The following DIP2A variants were observed in gnomAD, a reference collection of about 807,000 sequenced individuals.
DIP2A encodes disco-interacting protein 2 homolog A.
DIP2A carries 85 observed loss-of-function variants against 177.4 expected under a neutral mutation model. The ratio of observed to expected loss-of-function variants is 0.48; its 90% CI spans 0.40 to 0.57. The LOEUF (loss-of-function observed/expected upper bound fraction) is 0.57. DIP2A is among the 20% of genes least tolerant of loss of function. DIP2A has a pLI of 0.00. For synonymous variants in DIP2A, 886 were observed against 881.8 expected (o/e 1.00, Z -0.08); for missense variants, 1,791 against 2,100.2 (o/e 0.85, Z 2.88).
At chr21:46,529,564 G>A (rs371444941) in intron 9 of DIP2A, among the ~76,000 whole-genome samples, 1 of 150,676 alleles carries the variant, frequency 6.6e-6, no homozygotes, top group East Asian at 1.9e-4. Context: ...TCTCGCCACT[G>A]CACTCCAGCC....
chr21:46,545,760 C>T, intron 19 of DIP2A, 121 bp from the exon 20 acceptor site: 1 of 1,189,196 alleles, frequency 8.4e-7, no homozygotes, highest in South Asian at 1.4e-5. Flanking sequence ...GGGCCAGCCT[C>T]CTTTTTCCCC....
intron 5 of DIP2A, among the ~76,000 whole-genome samples, chr21:46,501,563 G>A (rs1029004593): frequency 6.6e-6 from 1 of 152,092 alleles, no homozygotes; most frequent in Non-Finnish European, 1.5e-5. Context: ...GGGACTATAG[G>A]CAAATGCCAG....
chr21:46,571,565 CCT>C (rs375940533), downstream of DIP2A, among the ~76,000 whole-genome samples: 1 of 152,166 alleles, frequency 6.6e-6, no homozygotes, highest in African/African-American at 2.4e-5. Flanking sequence ...TGCATCCTCT[CCT>C]ATTCCCTTGT....
rs370234236 is a variant in DIP2A, at chr21:46,503,135, C to G, written c.656-1226C>G. On this transcript the variant is annotated intron_variant, in intron 5 of 37. Coordinates refer to ENST00000417564, the MANE Select transcript of DIP2A (RefSeq NM_015151.4). ...TCCAGGAGTTCAAGACCAGCTTGGC[C>G]AATATGGTGAAAACCCGTCTCTACT... Among the ~76,000 whole-genome samples, 7 of 151,998 alleles carry G rather than the reference C, an allele frequency of 4.6e-5. No homozygotes were observed. The East Asian group carries it at 5.8e-4, about 13-fold the overall frequency.
intron 8 of DIP2A, among the ~76,000 whole-genome samples, chr21:46,512,062 C>CA (rs1382553117): frequency 6.6e-6 from 1 of 152,126 alleles, no homozygotes; most frequent in East Asian, 1.9e-4. Flanking sequence ...CAAAGCCCCT[C>CA]ACACCCCTTC....
intron 3 of DIP2A, among the ~76,000 whole-genome samples, chr21:46,491,881 C>A (rs757961051): frequency 1.3e-4 from 20 of 152,220 alleles, no homozygotes; most frequent in Middle Eastern, 3.4e-3. Context: ...GAATACAGGT[C>A]TTTTATCATA....
chr21:46,481,582 A>G (rs73148710), intron 1 of DIP2A, among the ~76,000 whole-genome samples: 1 of 152,338 alleles, frequency 6.6e-6, no homozygotes, highest in Non-Finnish European at 1.5e-5. Flanking sequence ...TCAGCAATAT[A>G]TGAGTTTCTA....
chr21:46,573,237 C>G (rs955690749), downstream of DIP2A, among the ~76,000 whole-genome samples: 3 of 151,896 alleles, frequency 2.0e-5, no homozygotes, highest in African/African-American at 4.8e-5. Flanking sequence ...TTGATAATTA[C>G]TTTATCTGTA....
Position 46,568,918 on chromosome 21 carries a change from G to A in DIP2A, c.*1296G>A, listed in dbSNP as rs1208450438. ...TTCACTGCTTTTTGCATTTTGAGTT[G>A]TGTGCCTATAAAATTTGGCCAAACC... On this transcript the variant is annotated 3_prime_UTR_variant, in exon 38 of 38. Coordinates refer to ENST00000417564, the MANE Select transcript of DIP2A (RefSeq NM_015151.4). The A allele has an allele frequency of 6.6e-6, 1 of 152,134 alleles. No individual in the cohort carries two copies. Among genetic ancestry groups the A allele is most frequent in the African/African-American group, 2.4e-5 (1 of 41,420 alleles). 9.4% of individuals were successfully genotyped at this position (152,134 alleles called of 1,614,324 possible).
intron 1 of DIP2A, among the ~76,000 whole-genome samples, chr21:46,481,867 A>G (rs1300202441): frequency 2.6e-5 from 4 of 152,150 alleles, no homozygotes; most frequent in African/African-American, 4.8e-5. Context: ...CCTGGCTAAC[A>G]TGGTGAAACC....
chr21:46,555,319 T>C (rs2060426129), intron 28 of DIP2A, among the ~76,000 whole-genome samples: 1 of 152,180 alleles, frequency 6.6e-6, no homozygotes, highest in Non-Finnish European at 1.5e-5. Context: ...TCATGCCCCA[T>C]GAAATGCTGA....
At chr21:46,551,929 G>A (rs764619204) in intron 25 of DIP2A, 25 bp downstream of exon 25, 1 of 1,576,270 alleles carries the variant, frequency 6.3e-7, no homozygotes, top group Non-Finnish European at 8.6e-7. Flanking sequence ...CGCCCACGGG[G>A]CTTGGAAACA....
intron 16 of DIP2A, chr21:46,538,891 G>C (rs2059684643): frequency 2.9e-6 from 1 of 346,388 alleles, no homozygotes; most frequent in Admixed American, 4.6e-5. Context: ...CTGTGGCCTG[G>C]GGTTCCTGTT....
At position 46,569,877 on chromosome 21, in the gene DIP2A, A is replaced by G. The variant is rs538246911; in HGVS notation, c.*2255A>G. 4 of 152,346 alleles carry G rather than the reference A, an allele frequency of 2.6e-5. No homozygotes were observed. Among genetic ancestry groups the G allele is most frequent in the Admixed American group, 6.5e-5 (1 of 15,310 alleles). The allele number at this position is 152,346 out of a possible 1,614,324, so 9.4% of individuals were successfully genotyped here. A position where few individuals can be genotyped will look rare whatever the true frequency, so the allele number is the denominator to read the frequency against. On this transcript the variant is annotated 3_prime_UTR_variant, in exon 38 of 38. Transcript: ENST00000417564. ...ATTTCTTATAATTCTACCTCTGAGTAAACAGCAGCATTCGTATGTAACATA... is the reference window on the plus strand; with the variant it reads ...ATTTCTTATAATTCTACCTCTGAGTGAACAGCAGCATTCGTATGTAACATA...
intron 8 of DIP2A, among the ~76,000 whole-genome samples, chr21:46,525,898 T>G (rs1461572575): frequency 6.9e-6 from 1 of 145,710 alleles, no homozygotes; most frequent in Non-Finnish European, 1.5e-5. Context: ...ATTATTATTA[T>G]TATTATTATT....
chr21:46,464,844 T>TTTTTTTTTTTTTTTTTTTTTTTTTTTTCC (rs58546395), intron 1 of DIP2A, among the ~76,000 whole-genome samples: 1 of 111,218 alleles, frequency 9.0e-6, no homozygotes, highest in Non-Finnish European at 1.7e-5. Flanking sequence ...TTTTTTTTTT[T>TTTTTTTTTTTTTTTTTTTTTTTTTTTTCC]CAAGAAAACA....
intron 1 of DIP2A, among the ~76,000 whole-genome samples, chr21:46,471,739 T>A (rs1045307998): frequency 1.8e-4 from 28 of 152,234 alleles, no homozygotes; most frequent in African/African-American, 6.3e-4. Flanking sequence ...AGGAAATGCA[T>A]GGCCTCTGTT....
chr21:46,499,503 G>A (rs2057537922), intron 5 of DIP2A, among the ~76,000 whole-genome samples: 1 of 152,180 alleles, frequency 6.6e-6, no homozygotes, highest in Non-Finnish European at 1.5e-5. Flanking sequence ...TCTGAGGTTG[G>A]GGTAGAGGGC....
In DIP2A at chr21:46,550,609, A is replaced by G; in HGVS notation, c.2704A>G (p.Lys902Glu). The G allele has an allele frequency of 1.9e-6, 3 of 1,613,340 alleles. No homozygotes were observed. The highest frequency in any genetic ancestry group is 2.5e-6 in the Non-Finnish European group (3 of 1,179,704). Residue 902 changes from lysine (K) to glutamate (E), a missense_variant, in exon 23 of 38, where the codon AAG (lysine) becomes GAG (glutamate). Lys to Glu is a moderately conservative substitution (Grantham distance 56). Transcript: ENST00000417564. ...CCTGGTTCCTGCCAACACCTTGCCC[A>G]AGGCTCCTCTCGGAGGGATTCACAT... is the stretch of plus-strand genomic sequence containing the variant. ...LALVPANTLP[K>E]APLGGIHISE...
Sources: gnomAD v4.1 joint callset for allele counts (sites outside exome capture counted in the v4.1 genomes callset) on GRCh38, gnomAD v4.1.1 for gene constraint, MANE v1.5 for transcripts, NCBI Gene and HGNC (gene_info 2026-07-23, HGNC 2026-07-21) for gene names.